The following MTF1 variants were observed in gnomAD, a reference collection of about 807,000 sequenced individuals.
The protein encoded by MTF1 is MRE-binding transcription factor.
In MTF1, 22 loss-of-function variants were observed where a neutral mutation model predicts 70.4. The observed-to-expected ratio is 0.31, with a 90% CI of 0.22 to 0.45. The LOEUF is 0.45. Ranked by LOEUF, MTF1 falls within the 20% of genes least tolerant of loss-of-function variation. MTF1 has a pLI of 1.00. For missense variants in MTF1, 649 were observed against 922.0 expected (o/e 0.70, Z 3.83); for synonymous variants, 333 against 352.8 (o/e 0.94, Z 0.63).
chr1:37,824,485 G>A (rs1432127735), intron 7 of MTF1, among the ~76,000 whole-genome samples: 2 of 152,148 alleles, frequency 1.3e-5, no homozygotes, highest in African/African-American at 2.4e-5. Context: ...ATCACCTGAG[G>A]TAAGGAGTTT....
Position 37,811,905 on chromosome 1 carries a change from C to T in MTF1, c.*3231G>A, listed in dbSNP as rs1640742970. 6.6e-6 allele frequency: 1 copy of T among 152,664 alleles called. No individual in the cohort carries two copies. The highest frequency in any genetic ancestry group is 2.4e-5 in the African/African-American group (1 of 41,454). 9.5% of individuals were successfully genotyped at this position (152,664 alleles called of 1,614,324 possible). On this transcript the variant is annotated 3_prime_UTR_variant, in exon 11 of 11. Transcript: ENST00000373036. ...CATGAGACTGGCCAGACCCTGCCAG[C>T]AAAGACTGGGCCACCTTCCCTCAAT...
intron 2 of MTF1, among the ~76,000 whole-genome samples, chr1:37,843,392 A>T (rs980809524): frequency 1.3e-5 from 2 of 152,168 alleles, no homozygotes; most frequent in Admixed American, 6.5e-5. Context: ...TAAGGAGGAA[A>T]ATAAAGAAGA....
chr1:37,844,196 A>G (rs12732747), intron 2 of MTF1, among the ~76,000 whole-genome samples: 90,291 of 152,014 alleles, frequency 0.59, 28,667 homozygotes, highest in Non-Finnish European at 0.71. Context: ...CACATTACTC[A>G]GTAAGCAGCC....
intron 9 of MTF1, among the ~76,000 whole-genome samples, chr1:37,819,799 A>G (rs1569846688): frequency 1.3e-5 from 2 of 152,154 alleles, no homozygotes; most frequent in South Asian, 4.1e-4. Flanking sequence ...TAAAAATACA[A>G]AAATTAGCCA....
chr1:37,815,651 G>T lies in MTF1; in HGVS notation c.1832-85C>A, dbSNP rs1640808854. 9.2e-7 allele frequency: 1 copy of T among 1,092,564 alleles called. No individual in the cohort carries two copies. The highest frequency in any genetic ancestry group is 2.4e-5 in the Admixed American group (1 of 41,760). The allele number at this position is 1,092,564 out of a possible 1,614,324, so 67.7% of individuals were successfully genotyped here. A position where few individuals can be genotyped will look rare whatever the true frequency, so the allele number is the denominator to read the frequency against. On this transcript the variant is annotated intron_variant, in intron 10 of 10. Coordinates refer to ENST00000373036, the MANE Select transcript of MTF1 (RefSeq NM_005955.3). This position sits in a 1 kb window ranked among gnomAD's most constrained non-coding sequence, Gnocchi z 4.5. Reference sequence around the variant, plus strand: ...ACAGGGATACATGGACTAGGTGAGAGCAGAGTGCCATGGGAACCATGGGAA... The same window carrying T: ...ACAGGGATACATGGACTAGGTGAGATCAGAGTGCCATGGGAACCATGGGAA...
At chr1:37,832,208 C>G (rs1384201211) in intron 7 of MTF1, 37 bp downstream of exon 7, 1 of 1,411,080 alleles carries the variant, frequency 7.1e-7, no homozygotes, top group African/African-American at 1.4e-5. Context: ...AATTCTTGCC[C>G]TTATTTTTCT....
Position 37,840,212 on chromosome 1 carries a change from A to G in MTF1, c.409-54T>C, listed in dbSNP as rs1641235274. The G allele has an allele frequency of 6.6e-7, 1 of 1,508,790 alleles. No homozygotes were observed. The highest frequency in any genetic ancestry group is 1.7e-5 in the Admixed American group (1 of 59,520). The allele number at this position is 1,508,790 out of a possible 1,614,324, so 93.5% of individuals were successfully genotyped here. On this transcript the variant is annotated intron_variant, in intron 2 of 10. Transcript: ENST00000373036. The surrounding 1 kb of genome is among the most constrained non-coding windows in gnomAD (Gnocchi z 4.5). ...GGACAAAAATGCTGCCCAGGGCTTA[A>G]CTCCCCCACCCAGAGCTCAGCTCCC...
chr1:37,825,109 G>A (rs1294666919), intron 7 of MTF1, among the ~76,000 whole-genome samples: 3 of 152,290 alleles, frequency 2.0e-5, no homozygotes, highest in East Asian at 3.9e-4. Context: ...AAAGAAATAC[G>A]TGAAGCAAGG....
intron 5 of MTF1, 119 bp from the exon 6 acceptor site, chr1:37,835,334 T>A: frequency 1.2e-6 from 1 of 851,582 alleles, no homozygotes; most frequent in Non-Finnish European, 1.9e-6. Flanking sequence ...TAACAGTTGT[T>A]AAAAGTTCAA....
chr1:37,841,211 C>A, intron 2 of MTF1: 2 of 155,324 alleles, frequency 1.3e-5, no homozygotes, highest in South Asian at 3.5e-4. Context: ...CCACATCGGT[C>A]TGGATGTTCA....
intron 2 of MTF1, among the ~76,000 whole-genome samples, chr1:37,852,602 G>T (rs1034080801): frequency 6.6e-6 from 1 of 151,980 alleles, no homozygotes; most frequent in Non-Finnish European, 1.5e-5. Context: ...TTGGGAAAAT[G>T]GATGAATCCT....
At chr1:37,823,250 A>G (rs1311144807) in intron 8 of MTF1, among the ~76,000 whole-genome samples, 1 of 152,072 alleles carries the variant, frequency 6.6e-6, no homozygotes, top group African/African-American at 2.4e-5. Context: ...AGCCTGGGCA[A>G]CATGACAAAA....
At position 37,817,859 on chromosome 1, in the gene MTF1, T is replaced by TAAGAAAGC. The variant is rs1285845720; in HGVS notation, c.1768-385_1768-378dup. Among the ~76,000 whole-genome samples the TAAGAAAGC allele has an allele frequency of 4.6e-5, 7 of 152,338 alleles. No individual in the cohort carries two copies. In the South Asian group the frequency reaches 8.3e-4, roughly 18 times the overall value. Reference sequence around the variant, plus strand: ...ATTCCCTGCTGCCCCCTAGTACTTCTAAGAAAGCTGGAAAGTTCTTTTTTT... The same window carrying TAAGAAAGC: ...ATTCCCTGCTGCCCCCTAGTACTTCTAAGAAAGCAAGAAAGCTGGAAAGTTCTTTTTTT... On this transcript the variant is annotated intron_variant, in intron 9 of 10. Transcript: ENST00000373036.
intron 4 of MTF1, 102 bp downstream of exon 4, chr1:37,838,523 G>T: frequency 2.0e-6 from 2 of 983,808 alleles, no homozygotes; most frequent in South Asian, 1.7e-5. Flanking sequence ...TAAATCAAGA[G>T]CTAGTAAAGG....
At chr1:37,828,596 C>T (rs1013214014) in intron 7 of MTF1, among the ~76,000 whole-genome samples, 1 of 152,218 alleles carries the variant, frequency 6.6e-6, no homozygotes, top group Non-Finnish European at 1.5e-5. Flanking sequence ...TAAGCCACCA[C>T]GCCTGGCTGG....
intron 7 of MTF1, among the ~76,000 whole-genome samples, chr1:37,831,206 G>A (rs1251891861): frequency 6.6e-6 from 1 of 152,144 alleles, no homozygotes; most frequent in Non-Finnish European, 1.5e-5. Flanking sequence ...TTCTGCGGGA[G>A]AGTTGGTCTC....
In MTF1 at chr1:37,815,098, TCACCCGCTTTTCCCAGAGGTGAG is replaced by T; in HGVS notation, c.*15_*37del. ...AGGCATTGTACCTCATGCCTCCTGC[TCACCCGCTTTTCCCAGAGGTGAG>T]CACACATGGGCCCTTCACTTGGAGA... On this transcript the variant is annotated 3_prime_UTR_variant, in exon 11 of 11. Coordinates refer to ENST00000373036, the MANE Select transcript of MTF1 (RefSeq NM_005955.3). The surrounding 1 kb of genome is among the most constrained non-coding windows in gnomAD (Gnocchi z 4.5). 1 of 1,583,552 alleles carries T rather than the reference TCACCCGCTTTTCCCAGAGGTGAG, an allele frequency of 6.3e-7. No individual in the cohort carries two copies. The highest frequency in any genetic ancestry group is 8.6e-7 in the Non-Finnish European group (1 of 1,156,782).
Position 37,815,467 on chromosome 1 carries a change from T to C in MTF1, c.1931A>G (p.Glu644Gly). ...CQCACRDSAKERASSRRKGCS... is the reference protein window; with the variant it reads ...CQCACRDSAKGRASSRRKGCS... ...GCCCTTTCTCCTGCTGGATGCCCGC[T>C]CCTTTGCAGAGTCCCGGCATGCACA... The change falls in exon 11 of 11, where the codon GAG (glutamate) becomes GGG (glycine). Residue 644 changes from glutamate to glycine, a missense_variant. By Grantham distance (98) the Glu-to-Gly change is moderately conservative (BLOSUM62 -2). Coordinates refer to ENST00000373036, the MANE Select transcript of MTF1 (RefSeq NM_005955.3). This position sits in a 1 kb window ranked among gnomAD's most constrained non-coding sequence, Gnocchi z 4.5. 1 of 1,602,424 alleles carries C rather than the reference T, an allele frequency of 6.2e-7. No homozygotes were observed. The highest frequency in any genetic ancestry group is 2.2e-5 in the East Asian group (1 of 44,752).
Position 37,835,088 on chromosome 1 carries a change from A to G in MTF1, c.981T>C (p.Asn327=). 2.5e-6 allele frequency: 4 copies of G among 1,614,162 alleles called. No individual in the cohort carries two copies. The highest frequency in any genetic ancestry group is 3.4e-6 in the Non-Finnish European group (4 of 1,180,000). ...GHSYNALPQH[N]GSEDTNHSLC... ...CAAAAACACTACACACCTCTGATCC[A>G]TTGTGTTGTGGAAGTGCATTGTATG... Residue 327 remains asparagine (N), a synonymous_variant, in exon 6 of 11, where the codon AAT becomes AAC. Transcript: ENST00000373036.
Sources: gnomAD v4.1 joint callset for allele counts (sites outside exome capture counted in the v4.1 genomes callset) on GRCh38, gnomAD v4.1.1 for gene constraint, Gnocchi (gnomAD v3.1) non-coding constraint, MANE v1.5 for transcripts, NCBI Gene and HGNC (gene_info 2026-07-23, HGNC 2026-07-21) for gene names.